Variants in SEC23IP observed in about 807,000 individuals in gnomAD.
SEC23IP encodes the protein SEC23 interacting protein, also known as SEC23-interacting protein.
SEC23IP carries 70 observed loss-of-function variants against 113.4 expected under a neutral mutation model. The observed-to-expected ratio is 0.62, with a 90% CI of 0.51 to 0.75. SEC23IP has a LOEUF of 0.75. Ranked by LOEUF, SEC23IP falls within the 30% of genes least tolerant of loss-of-function variation. SEC23IP has a pLI of 0.00. For synonymous variants in SEC23IP, 398 were observed against 421.0 expected (o/e 0.95, Z 0.67); for missense variants, 1,160 against 1,204.9 (o/e 0.96, Z 0.55).
chr10:119,935,064 ATCCCCAACC>A (rs1269429193), intron 18 of SEC23IP, among the ~76,000 whole-genome samples: 2 of 152,230 alleles, frequency 1.3e-5, no homozygotes, highest in Non-Finnish European at 2.9e-5. Context: ...CCCATAACTC[ATCCCCAACC>A]TCCCTGCCTA....
chr10:119,898,672 A>G lies in SEC23IP; in HGVS notation c.409A>G (p.Ile137Val), dbSNP rs757160158. The part of the protein sequence containing the change: ...QDVSNAFSPS[I>V]SKAQPGAPPS... The stretch of plus-strand genomic sequence containing the variant: ...TGTCTCGAATGCATTTTCACCATCC[A>G]TTTCGAAGGCTCAACCTGGTGCTCC... The change falls in exon 2 of 19, where the codon ATT becomes GTT. Residue 137 changes from isoleucine to valine, a missense_variant. Ile to Val is a conservative substitution (Grantham distance 29). Transcript: ENST00000369075. 5 of 1,614,174 alleles carry G rather than the reference A, an allele frequency of 3.1e-6. No homozygotes were observed. In the South Asian group the frequency reaches 4.4e-5, roughly 14 times the overall value.
In SEC23IP at chr10:119,918,043, AG is replaced by A. The variant is rs1855110962; in HGVS notation, c.1753+1del. 7 of 1,609,560 alleles carry A rather than the reference AG, an allele frequency of 4.3e-6. No homozygotes were observed. The highest frequency in any genetic ancestry group is 5.9e-6 in the Non-Finnish European group (7 of 1,176,710). ...GTGTCTCTGTTGCTGGTCACAGTTT[AG>A]GTAAAACTGTCAAATATTCACATTT... Reference protein sequence around the residue: ...GGVSVAGHSLGSLILFDILSN... With the variant: ...GGVSVAGHSLXSLILFDILSN... On this transcript the variant is annotated frameshift_variant and splice_region_variant, in exon 9 of 19. Coordinates refer to ENST00000369075, the MANE Select transcript of SEC23IP (RefSeq NM_007190.4). LOFTEE classifies it high-confidence loss of function.
chr10:119,925,216 G>T (rs1426760027), intron 12 of SEC23IP, among the ~76,000 whole-genome samples: 1 of 152,148 alleles, frequency 6.6e-6, no homozygotes, highest in African/African-American at 2.4e-5. Flanking sequence ...GAGAGCTCAG[G>T]TAGCTCCCTC....
intron 12 of SEC23IP, among the ~76,000 whole-genome samples, chr10:119,924,773 T>C (rs994751992): frequency 1.3e-5 from 2 of 151,858 alleles, no homozygotes; most frequent in Non-Finnish European, 2.9e-5. Flanking sequence ...AACGCATAGA[T>C]CTTTTAAAAA....
intron 10 of SEC23IP, among the ~76,000 whole-genome samples, chr10:119,919,150 A>G (rs777737272): frequency 6.6e-5 from 10 of 151,518 alleles, no homozygotes; most frequent in Admixed American, 2.0e-4. Flanking sequence ...CCTGCCACCA[A>G]GCTGAGCTAA....
rs779659754 is a variant in SEC23IP, at chr10:119,892,768, C to T, written c.-15C>T. Reference sequence around the variant, plus strand: ...CGGGTACCCGGAGACGTGTATCGGACGGTGGGCCGCAGCCATGGCCGAGAG... The same window carrying T: ...CGGGTACCCGGAGACGTGTATCGGATGGTGGGCCGCAGCCATGGCCGAGAG... On this transcript the variant is annotated 5_prime_UTR_variant, in exon 1 of 19. It adds an upstream start codon to the 5' untranslated region. Coordinates refer to ENST00000369075, the MANE Select transcript of SEC23IP (RefSeq NM_007190.4). The T allele has an allele frequency of 2.1e-5, 34 of 1,597,394 alleles. No individual in the cohort carries two copies. The highest frequency in any genetic ancestry group is 2.7e-5 in the Non-Finnish European group (32 of 1,171,394).
rs892972779 is a variant in SEC23IP, at chr10:119,918,452, C to T, written c.1813C>T (p.Pro605Ser). 2.5e-6 allele frequency: 4 copies of T among 1,613,758 alleles called. No individual in the cohort carries two copies. The highest frequency in any genetic ancestry group is 3.4e-6 in the Non-Finnish European group (4 of 1,179,716). The change falls in exon 10 of 19, where the codon CCT becomes TCT. Residue 605 changes from proline to serine, a missense_variant. Transcript: ENST00000369075. Reference sequence around the variant, plus strand: ...AAAAGATTTGAATTTATCAAAGTGCCCTGGACCTCTTGCTGTTGCTAATGG... The same window carrying T: ...AAAAGATTTGAATTTATCAAAGTGCTCTGGACCTCTTGCTGTTGCTAATGG... ...NQKDLNLSKC[P>S]GPLAVANGVV...
At chr10:119,932,940 T>C in intron 16 of SEC23IP, 65 bp from the exon 17 acceptor site, 1 of 1,435,944 alleles carries the variant, frequency 7.0e-7, no homozygotes, top group Non-Finnish European at 9.7e-7. Context: ...GCCCAGAAAG[T>C]CAGCTAAAGT....
rs1854373871 is a variant in SEC23IP at position 119,898,760 on chromosome 10, C to T, written c.497C>T (p.Ser166Leu). Residue 166 changes from serine to leucine, a missense_variant, in exon 2 of 19, where the codon TCA (serine) becomes TTA (leucine). By Grantham distance (145) the Ser-to-Leu change is moderately radical. Coordinates refer to ENST00000369075, the MANE Select transcript of SEC23IP (RefSeq NM_007190.4). ...TCTCAGCCAAGTAGTCTCCCTCCTT[C>T]ATATTTTGGGAACCAACCCCAAGGA... ...LPSQPSSLPP[S>L]YFGNQPQGIP... The T allele has an allele frequency of 2.5e-6, 4 of 1,614,090 alleles. No homozygotes were observed. The highest frequency in any genetic ancestry group is 3.3e-5 in the Admixed American group (2 of 60,008).
At chr10:119,937,692 T>C (rs1855843057) in intron 18 of SEC23IP, among the ~76,000 whole-genome samples, 1 of 152,138 alleles carries the variant, frequency 6.6e-6, no homozygotes, top group South Asian at 2.1e-4. Flanking sequence ...TTTAGATATT[T>C]ACATTTATTT....
intron 18 of SEC23IP, among the ~76,000 whole-genome samples, chr10:119,937,100 C>A (rs902473586): frequency 6.6e-6 from 1 of 151,442 alleles, no homozygotes; most frequent in South Asian, 2.1e-4. Context: ...TGGTCTCGAT[C>A]TCCTGACCTC....
chr10:119,909,617 C>A (rs1457390023), intron 5 of SEC23IP, among the ~76,000 whole-genome samples: 3 of 151,932 alleles, frequency 2.0e-5, no homozygotes, highest in African/African-American at 4.8e-5. Context: ...TTTTCTCAGG[C>A]TGGGTGTGGT....
chr10:119,920,240 A>G (rs973489240), intron 11 of SEC23IP, among the ~76,000 whole-genome samples: 1 of 152,226 alleles, frequency 6.6e-6, no homozygotes, highest in Non-Finnish European at 1.5e-5. Flanking sequence ...CATCAGTTTC[A>G]TTGCCAGGAA....
In SEC23IP at chr10:119,919,449, T is replaced by C. The variant is rs564291922; in HGVS notation, c.1878T>C (p.Pro626=). Reference sequence around the variant, plus strand: ...TCATACTTTTTTTTTTAAAGATGCCTGAAGAGCCAAAGCTGACTTTGGATG... The same window carrying C: ...TCATACTTTTTTTTTTAAAGATGCCCGAAGAGCCAAAGCTGACTTTGGATG... The part of the protein sequence containing the change: ...KQLHFQEKQM[P]EEPKLTLDES... Residue 626 remains proline, a synonymous_variant, in exon 11 of 19, where the codon CCT becomes CCC. Coordinates refer to ENST00000369075, the MANE Select transcript of SEC23IP (RefSeq NM_007190.4). 1.3e-6 allele frequency: 2 copies of C among 1,591,352 alleles called. No homozygotes were observed. The highest frequency in any genetic ancestry group is 1.2e-5 in the South Asian group (1 of 86,066).
Position 119,906,104 on chromosome 10 carries a change from C to T in SEC23IP, c.1101+1827C>T, listed in dbSNP as rs180869794. Among the ~76,000 whole-genome samples the T allele has an allele frequency of 2.6e-5, 4 of 151,694 alleles. No homozygotes were observed. The East Asian group carries it at 5.8e-4, about 22-fold the overall frequency. On this transcript the variant is annotated intron_variant, in intron 4 of 18. Transcript: ENST00000369075. Reference sequence around the variant, plus strand: ...CAGCCTGGACAACATGGAAAAACCCCGTCTCTACAAAAAATACACACAAAA... The same window carrying T: ...CAGCCTGGACAACATGGAAAAACCCTGTCTCTACAAAAAATACACACAAAA...
rs770517818 is a variant in SEC23IP at position 119,926,219 on chromosome 10, G to A, written c.2305G>A (p.Ala769Thr). 2.0e-5 allele frequency: 32 copies of A among 1,613,868 alleles called. No homozygotes were observed. The highest frequency in any genetic ancestry group is 2.4e-5 in the Non-Finnish European group (28 of 1,179,932). ...CVNYESFEVG[A>T]GQVSVAYNSL... is the part of the protein sequence containing the mutation. ...GAATTATGAATCTTTTGAAGTTGGCGCCGGACAGGTGAGTTTACATATTGA... is the reference window on the plus strand; with the variant it reads ...GAATTATGAATCTTTTGAAGTTGGCACCGGACAGGTGAGTTTACATATTGA... Residue 769 changes from alanine to threonine, a missense_variant, in exon 13 of 19, where the codon GCC (alanine) becomes ACC (threonine). Coordinates refer to ENST00000369075, the MANE Select transcript of SEC23IP (RefSeq NM_007190.4).
intron 2 of SEC23IP, among the ~76,000 whole-genome samples, chr10:119,902,420 CTT>C (rs1854527859): frequency 6.6e-6 from 1 of 152,104 alleles, no homozygotes; most frequent in Non-Finnish European, 1.5e-5. Flanking sequence ...TGTTAGTTTA[CTT>C]TGTGTTCTGT....
At chr10:119,895,582 G>T (rs1293255409) in intron 1 of SEC23IP, among the ~76,000 whole-genome samples, 4 of 152,186 alleles carry the variant, frequency 2.6e-5, no homozygotes, top group Admixed American at 2.0e-4. Context: ...GAATGCTACG[G>T]GTATCAGGCT....
intron 2 of SEC23IP, among the ~76,000 whole-genome samples, 188 bp downstream of exon 2, chr10:119,899,147 T>G (rs143686877): frequency 1.2e-3 from 181 of 152,374 alleles, no homozygotes; most frequent in Non-Finnish European, 2.1e-3. Context: ...GCTCATATTT[T>G]AGTGTATATT....
Sources: gnomAD v4.1 joint callset for allele counts (sites outside exome capture counted in the v4.1 genomes callset) on GRCh38, gnomAD v4.1.1 for gene constraint, MANE v1.5 for transcripts, NCBI Gene and HGNC (gene_info 2026-07-23, HGNC 2026-07-21) for gene names.